The following PDZD2 variants were observed in gnomAD, a reference collection of about 807,000 sequenced individuals.
PDZD2 encodes PDZ domain containing 2.
A neutral mutation model predicts 220.7 loss-of-function variants in PDZD2; 90 were observed. That is an observed-to-expected ratio of 0.41 (90% CI 0.34 to 0.49). The LOEUF (loss-of-function observed/expected upper bound fraction) is 0.49. Among genes scored for constraint, PDZD2 ranks in the 20% least tolerant of loss-of-function variants. The pLI is 0.28. For synonymous variants in PDZD2, 1,375 were observed against 1,450.5 expected, an observed-to-expected ratio of 0.95 and a Z score of 1.18; for missense variants, 3,174 against 3,608.5, an observed-to-expected ratio of 0.88 and a Z score of 3.08.
intron 2 of PDZD2, among the ~76,000 whole-genome samples, chr5:31,818,888 T>A (rs888468607): frequency 6.6e-6 from 1 of 152,218 alleles, no homozygotes; most frequent in Non-Finnish European, 1.5e-5. Flanking sequence ...TCAACAGATA[T>A]AATTTTTTGT....
At chr5:31,924,551 TC>T (rs1175783082) in intron 2 of PDZD2, among the ~76,000 whole-genome samples, 1 of 152,316 alleles carries the variant, frequency 6.6e-6, no homozygotes, top group South Asian at 2.1e-4. Flanking sequence ...ATCCATCACT[TC>T]ACGTTTGGCG....
At chr5:32,023,719 C>T (rs1246277331) in intron 6 of PDZD2, among the ~76,000 whole-genome samples, 1 of 152,128 alleles carries the variant, frequency 6.6e-6, no homozygotes, top group Non-Finnish European at 1.5e-5. Flanking sequence ...GTCTTCATAA[C>T]GACTCTGGGT....
chr5:31,724,510 G>A (rs1177478781), intron 1 of PDZD2, among the ~76,000 whole-genome samples: 1 of 151,066 alleles, frequency 6.6e-6, no homozygotes, highest in East Asian at 1.9e-4. Context: ...ACTGAGGCAG[G>A]AGAATCGCTT....
intron 21 of PDZD2, among the ~76,000 whole-genome samples, chr5:32,095,489 C>T (rs912721534): frequency 1.3e-5 from 2 of 152,066 alleles, no homozygotes; most frequent in African/African-American, 4.8e-5. Context: ...TTCGAGGCTT[C>T]GAGGCTGAAA....
At chr5:32,026,178 C>T (rs554694488) in intron 6 of PDZD2, among the ~76,000 whole-genome samples, 1 of 150,530 alleles carries the variant, frequency 6.6e-6, no homozygotes, top group South Asian at 2.1e-4. Context: ...GCTCTGTCAC[C>T]CAGCCTAGAG....
Position 31,822,798 on chromosome 5 carries a change from T to A in PDZD2, c.476+23074T>A. The A allele has an allele frequency of 9.6e-6, 9 of 936,424 alleles. No homozygotes were observed. In the South Asian group the frequency reaches 1.2e-4, roughly 12 times the overall value. 58.0% of individuals were successfully genotyped at this position (936,424 alleles called of 1,614,324 possible). A position where few individuals can be genotyped will look rare whatever the true frequency, so the allele number is the denominator to read the frequency against. Reference sequence around the variant, plus strand: ...ATTTTTCACCCAAGAAATTTCAGATTTCAACAGAAGACCAATTCTCCTGGA... The same window carrying A: ...ATTTTTCACCCAAGAAATTTCAGATATCAACAGAAGACCAATTCTCCTGGA... On this transcript the variant is annotated intron_variant, in intron 2 of 24. Transcript: ENST00000438447.
intron 1 of PDZD2, among the ~76,000 whole-genome samples, chr5:31,759,133 C>T (rs1751478344): frequency 6.6e-6 from 1 of 150,882 alleles, no homozygotes; most frequent in African/African-American, 2.4e-5. Context: ...CCTCCCCTTG[C>T]CGTGCCCACC....
chr5:31,987,358 G>T (rs1458090911), intron 3 of PDZD2, among the ~76,000 whole-genome samples: 2 of 152,160 alleles, frequency 1.3e-5, no homozygotes, highest in Non-Finnish European at 2.9e-5. Context: ...TGCCTCCTCT[G>T]TAAGTGGTTC....
Position 31,771,876 on chromosome 5 carries a change from A to C in PDZD2, c.-360-27013A>C, listed in dbSNP as rs528272658. ...TCTTAGGCCTCAATTTTTTTAACCT[A>C]TTAAATGAGATAATTAGATTAGATG... On this transcript the variant is annotated intron_variant, in intron 1 of 24. Coordinates refer to ENST00000438447, the MANE Select transcript of PDZD2 (RefSeq NM_178140.4). Among the ~76,000 whole-genome samples, 6 of 151,944 alleles carry C rather than the reference A, an allele frequency of 3.9e-5. No individual in the cohort carries two copies. In the South Asian group the frequency reaches 1.0e-3, roughly 26 times the overall value.
chr5:31,766,556 A>AT (rs1752024737), intron 1 of PDZD2, among the ~76,000 whole-genome samples: 2 of 151,656 alleles, frequency 1.3e-5, no homozygotes, highest in African/African-American at 2.4e-5. Context: ...TCCCTGCATA[A>AT]TTTTTTTGAA....
chr5:31,917,664 T>A (rs954561387), intron 2 of PDZD2, among the ~76,000 whole-genome samples: 2 of 152,204 alleles, frequency 1.3e-5, no homozygotes, highest in Non-Finnish European at 2.9e-5. Context: ...TCTAAAGACA[T>A]ACCTGAAGCT....
At chr5:31,892,226 A>G (rs569816481) in intron 2 of PDZD2, among the ~76,000 whole-genome samples, 6 of 152,078 alleles carry the variant, frequency 3.9e-5, no homozygotes, top group African/African-American at 1.2e-4. Flanking sequence ...TCTTAACAAA[A>G]CTAATTTCTG....
At chr5:31,787,393 T>G (rs985232189) in intron 1 of PDZD2, among the ~76,000 whole-genome samples, 1 of 152,210 alleles carries the variant, frequency 6.6e-6, no homozygotes, top group African/African-American at 2.4e-5. Context: ...GAGCTCACAG[T>G]TGAAGCCACA....
At chr5:32,070,075 T>C (rs79386085) in intron 15 of PDZD2, among the ~76,000 whole-genome samples, 4,801 of 152,222 alleles carry the variant, frequency 0.032, 288 homozygotes, top group African/African-American at 0.11. Flanking sequence ...GTAGCAAAAA[T>C]CATGATTTCG....
intron 2 of PDZD2, among the ~76,000 whole-genome samples, chr5:31,840,134 G>T (rs1170980830): frequency 1.3e-5 from 2 of 152,004 alleles, no homozygotes; most frequent in Admixed American, 1.3e-4. Flanking sequence ...ATGCTGAGGT[G>T]TGAGGATCAC....
At chr5:31,888,460 G>A (rs1434070602) in intron 2 of PDZD2, among the ~76,000 whole-genome samples, 2 of 152,194 alleles carry the variant, frequency 1.3e-5, no homozygotes, top group Admixed American at 1.3e-4. Context: ...CCAAAGTGCT[G>A]GGATTACAGG....
At chr5:31,982,735 A>G (rs939623995) in intron 2 of PDZD2, among the ~76,000 whole-genome samples, 1 of 152,156 alleles carries the variant, frequency 6.6e-6, no homozygotes, top group Non-Finnish European at 1.5e-5. Flanking sequence ...CACTCTATCC[A>G]TTCTTTACCC....
Position 31,983,322 on chromosome 5 carries a change from G to T in PDZD2, c.644G>T (p.Arg215Leu). Residue 215 changes from arginine (R) to leucine (L), a missense_variant, in exon 3 of 25, where the codon CGA (arginine) becomes CTA (leucine). Physicochemically the swap from Arg to Leu is moderately radical, Grantham distance 102. Coordinates refer to ENST00000438447, the MANE Select transcript of PDZD2 (RefSeq NM_178140.4). ...GACCGAACTGCGAAAAAGGGGAAAC[G>T]AACCAGAAAGTTTGGGGTCATCTCC... ...LGDRTAKKGK[R>L]TRKFGVISRP... 1 of 1,614,184 alleles carries T rather than the reference G, an allele frequency of 6.2e-7. No homozygotes were observed. Among genetic ancestry groups the T allele is most frequent in the African/African-American group, 1.3e-5 (1 of 75,054 alleles).
chr5:31,644,675 A>G (rs958207504), intron 1 of PDZD2, among the ~76,000 whole-genome samples: 2 of 152,206 alleles, frequency 1.3e-5, no homozygotes, highest in Non-Finnish European at 2.9e-5. Context: ...GCCAGCAAAC[A>G]GTCTCCATTC....
Sources: allele counts gnomAD v4.1 joint callset (sites outside exome capture counted in the v4.1 genomes callset), GRCh38; gene constraint gnomAD v4.1.1; transcripts MANE v1.5; gene names NCBI Gene and HGNC (gene_info 2026-07-23, HGNC 2026-07-21).